Variants in ASIC2 observed in about 807,000 individuals in gnomAD.
The protein encoded by ASIC2 is acid-sensing ion channel 2.
ASIC2 carries 25 observed loss-of-function variants against 57.3 expected under a neutral mutation model. That is an observed-to-expected ratio of 0.44 (90% CI 0.32 to 0.61). The LOEUF (loss-of-function observed/expected upper bound fraction) is 0.61. Among genes scored for constraint, ASIC2 ranks in the 20% least tolerant of loss-of-function variants. The pLI, the probability that ASIC2 is intolerant of heterozygous loss-of-function variation, is 0.06. For synonymous variants in ASIC2, 319 were observed against 307.5 expected (o/e 1.04, Z -0.39); for missense variants, 641 against 738.1 (o/e 0.87, Z 1.52).
At chr17:33,387,581 TTC>T (rs777931223) in intron 1 of ASIC2, among the ~76,000 whole-genome samples, 2 of 152,338 alleles carry the variant, frequency 1.3e-5, no homozygotes, top group Non-Finnish European at 2.9e-5. Context: ...CACTCCCACT[TTC>T]CGCTGCCCCG....
intron 1 of ASIC2, among the ~76,000 whole-genome samples, chr17:34,097,559 G>A (rs1598022955): frequency 1.3e-5 from 2 of 152,124 alleles, no homozygotes; most frequent in East Asian, 1.9e-4. Flanking sequence ...ATTTCAATAG[G>A]GCTGATGTTC....
At chr17:33,290,027 T>G (rs1905355782) in intron 1 of ASIC2, among the ~76,000 whole-genome samples, 1 of 152,206 alleles carries the variant, frequency 6.6e-6, no homozygotes, top group South Asian at 2.1e-4. Flanking sequence ...CATCTCCTAC[T>G]TGCCAAAGCA....
chr17:33,114,866 C>A (rs1415892605), intron 1 of ASIC2, among the ~76,000 whole-genome samples: 1 of 152,224 alleles, frequency 6.6e-6, no homozygotes, highest in African/African-American at 2.4e-5. Flanking sequence ...ATACCAGCCT[C>A]TCTCAGTTTT....
intron 1 of ASIC2, among the ~76,000 whole-genome samples, chr17:33,846,632 C>T (rs1016358333): frequency 9.9e-5 from 15 of 152,082 alleles, no homozygotes; most frequent in African/African-American, 3.1e-4. Flanking sequence ...GGATGTTTGC[C>T]GTTAAACACA....
chr17:33,160,025 A>G (rs540823970), intron 1 of ASIC2, among the ~76,000 whole-genome samples: 9 of 152,136 alleles, frequency 5.9e-5, no homozygotes, highest in African/African-American at 9.6e-5. Context: ...CCTGGGCAAC[A>G]TGGCGAAACT....
intron 1 of ASIC2, among the ~76,000 whole-genome samples, chr17:33,774,659 G>A (rs1911211287): frequency 1.3e-5 from 2 of 152,156 alleles, no homozygotes; most frequent in South Asian, 4.1e-4. Flanking sequence ...GTATGACATA[G>A]CAACACCTTG....
Position 33,839,781 on chromosome 17 carries a change from G to A in ASIC2, c.555+316197C>T, listed in dbSNP as rs140992066. 1.3e-3 allele frequency among the ~76,000 whole-genome samples: 199 copies of A among 152,276 alleles called. 4 individuals are homozygous for A. In the East Asian group the frequency reaches 0.036, roughly 28 times the overall value. ...ATTCCTGTCATTGCTACCTGAGTTA[G>A]TGGCAGGTACCACCCAGCAGCAGCA... On this transcript the variant is annotated intron_variant, in intron 1 of 9. Coordinates refer to the ASIC2 transcript ENST00000359872.
At chr17:33,795,491 T>C (rs1195563032) in intron 1 of ASIC2, among the ~76,000 whole-genome samples, 4 of 152,232 alleles carry the variant, frequency 2.6e-5, no homozygotes, top group Non-Finnish European at 5.9e-5. Context: ...GTCTATTTCC[T>C]GGAGGAACTC....
At chr17:33,712,863 T>G (rs1909094590) in intron 1 of ASIC2, among the ~76,000 whole-genome samples, 1 of 151,808 alleles carries the variant, frequency 6.6e-6, no homozygotes, top group South Asian at 2.1e-4. Context: ...GCCGGGATGG[T>G]CTCGATCTCC....
At chr17:33,378,348 C>T (rs1909354086) in intron 1 of ASIC2, among the ~76,000 whole-genome samples, 1 of 152,180 alleles carries the variant, frequency 6.6e-6, no homozygotes, top group Admixed American at 6.5e-5. Flanking sequence ...TTAGTGAATT[C>T]CTAGACAGAG....
chr17:33,031,224 T>C (rs1428177882), intron 3 of ASIC2, among the ~76,000 whole-genome samples: 1 of 152,186 alleles, frequency 6.6e-6, no homozygotes, highest in Non-Finnish European at 1.5e-5. Flanking sequence ...CTATTTTTGT[T>C]CTTGTGCTAG....
intron 1 of ASIC2, among the ~76,000 whole-genome samples, chr17:33,428,730 T>G (rs1308703565): frequency 6.6e-6 from 1 of 152,190 alleles, no homozygotes; most frequent in Non-Finnish European, 1.5e-5. Flanking sequence ...GTGTGCCGGA[T>G]GCCCACTTCT....
chr17:33,843,456 C>T (rs1913496612), intron 1 of ASIC2, among the ~76,000 whole-genome samples: 2 of 151,974 alleles, frequency 1.3e-5, no homozygotes, highest in Admixed American at 1.3e-4. Flanking sequence ...ATAAGTCTCA[C>T]TGTTAACCGT....
chr17:33,561,641 T>G (rs1187784834), intron 1 of ASIC2, among the ~76,000 whole-genome samples: 1 of 152,226 alleles, frequency 6.6e-6, no homozygotes, highest in Admixed American at 6.5e-5. Flanking sequence ...TTTGGTGTTT[T>G]TATTCAGACA....
chr17:34,044,199 G>A (rs572628031), intron 1 of ASIC2, among the ~76,000 whole-genome samples: 1 of 152,078 alleles, frequency 6.6e-6, no homozygotes, highest in East Asian at 1.9e-4. Context: ...GAAGAACTGA[G>A]GGCTGTGTTG....
intron 1 of ASIC2, among the ~76,000 whole-genome samples, chr17:33,270,624 C>T (rs989147861): frequency 2.0e-5 from 3 of 152,154 alleles, no homozygotes; most frequent in South Asian, 2.1e-4. Flanking sequence ...GTGGTCCAGC[C>T]GGCCAGTGGT....
intron 1 of ASIC2, among the ~76,000 whole-genome samples, chr17:33,600,599 C>T (rs192303035): frequency 3.2e-4 from 48 of 152,234 alleles, no homozygotes; most frequent in Middle Eastern, 6.8e-3. Context: ...AAGCATTAAC[C>T]CATTTATGCC....
intron 1 of ASIC2, among the ~76,000 whole-genome samples, chr17:33,174,478 C>T (rs988800654): frequency 1.3e-5 from 2 of 151,858 alleles, no homozygotes; most frequent in African/African-American, 2.4e-5. Context: ...CAAAAATTCA[C>T]CATCACTTAC....
chr17:33,956,096 AG>A (rs1475063249), intron 1 of ASIC2, among the ~76,000 whole-genome samples: 1 of 152,164 alleles, frequency 6.6e-6, no homozygotes, highest in Non-Finnish European at 1.5e-5. Context: ...CCTGACACAT[AG>A]TAGGGCTCAA....
Sources: allele counts gnomAD v4.1 joint callset (sites outside exome capture counted in the v4.1 genomes callset), GRCh38; gene constraint gnomAD v4.1.1; transcripts MANE v1.5; gene names NCBI Gene and HGNC (gene_info 2026-07-23, HGNC 2026-07-21).